Variants in ZNF665 observed in about 807,000 individuals in gnomAD.
ZNF665 encodes zinc finger protein 665.
Under a neutral mutation model 7.9 loss-of-function variants are expected in ZNF665, and 6 were observed. The observed-to-expected ratio is 0.76, with a 90% CI of 0.42 to 1.50. The LOEUF is 1.50. Ranked by LOEUF, ZNF665 falls within the 40% of genes most tolerant of loss-of-function variation. The pLI is 0.01. For missense variants in ZNF665, 819 were observed against 806.7 expected (o/e 1.02, Z -0.18); for synonymous variants, 242 against 274.5 (o/e 0.88, Z 1.17).
intron 1 of ZNF665, among the ~76,000 whole-genome samples, chr19:53,183,489 C>T (rs547296991): frequency 6.6e-6 from 1 of 152,248 alleles, no homozygotes; most frequent in East Asian, 1.9e-4. Context: ...TTCTTGAGCT[C>T]CACTGAGAGG....
Position 53,167,078 on chromosome 19 carries a change from C to T in ZNF665, c.143-731G>A, listed in dbSNP as rs142920603. On this transcript the variant is annotated intron_variant, in intron 3 of 3. Coordinates refer to ENST00000396424, the MANE Select transcript of ZNF665 (RefSeq NM_024733.5). ...AGTGAGTGGTGCAATCTCGGCTCAC[C>T]GCAACCTCCGCCTCCCAGGTTCAAG... 4.9e-4 allele frequency among the ~76,000 whole-genome samples: 74 copies of T among 151,922 alleles called. No individual in the cohort carries two copies. The East Asian group carries it at 0.013, about 28-fold the overall frequency.
intron 3 of ZNF665, among the ~76,000 whole-genome samples, chr19:53,169,465 C>A (rs2090640930): frequency 6.6e-6 from 1 of 152,022 alleles, no homozygotes; most frequent in Non-Finnish European, 1.5e-5. Context: ...ATGTAAAAGG[C>A]TACAACCACT....
In ZNF665 at chr19:53,165,897, C is replaced by T. The variant is rs1568654156; in HGVS notation, c.593G>A (p.Arg198Lys). The T allele has an allele frequency of 1.9e-6, 3 of 1,614,058 alleles. No homozygotes were observed. Among genetic ancestry groups the T allele is most frequent in the African/African-American group, 1.3e-5 (1 of 74,930 alleles). The change falls in exon 4 of 4, where the codon AGA (arginine) becomes AAA (lysine). Residue 198 changes from arginine (R) to lysine (K), a missense_variant. By Grantham distance (26) the Arg-to-Lys change is conservative. Transcript: ENST00000396424. ...GTAAGGCTTCTCTCCAGTATGAATT[C>T]TCTTATGACTTGTTAGCCGTGAGTT... The part of the protein sequence containing the change: ...SQNSRLTSHK[R>K]IHTGEKPYQC...
Position 53,165,849 on chromosome 19 carries a change from G to A in ZNF665, c.641C>T (p.Ala214Val), listed in dbSNP as rs908644778. The change falls in exon 4 of 4, where the codon GCC (alanine) becomes GTC (valine). Residue 214 changes from alanine to valine, a missense_variant. Transcript: ENST00000396424. ...TGTTAGGTTTGAACGAACAGTAAAGGCTTTGCCACACTTATTACACTGGTA... is the reference window on the plus strand; with the variant it reads ...TGTTAGGTTTGAACGAACAGTAAAGACTTTGCCACACTTATTACACTGGTA... ...KPYQCNKCGKAFTVRSNLTIH... is the reference protein window; with the variant it reads ...KPYQCNKCGKVFTVRSNLTIH... The A allele has an allele frequency of 1.9e-6, 3 of 1,613,968 alleles. No individual in the cohort carries two copies. The highest frequency in any genetic ancestry group is 2.2e-5 in the East Asian group (1 of 44,888).
chr19:53,175,352 T>A, intron 3 of ZNF665, 93 bp downstream of exon 3: 1 of 1,474,788 alleles, frequency 6.8e-7, no homozygotes, highest in Non-Finnish European at 9.2e-7. Context: ...TCAATCCTCA[T>A]CAAGCAATGC....
Position 53,163,482 on chromosome 19 carries a change from CAG to C in ZNF665, c.*969_*970del, listed in dbSNP as rs987303636. 9 of 152,170 alleles carry C rather than the reference CAG, an allele frequency of 5.9e-5. No homozygotes were observed. The highest frequency in any genetic ancestry group is 2.2e-4 in the African/African-American group (9 of 41,436). The allele number at this position is 152,170 out of a possible 1,614,324, so 9.4% of individuals were successfully genotyped here. ...TCAGACTATATTTAATTTTAAAAGG[CAG>C]AGTCTTTTTTCTTCAGGAGCTTGGA... On this transcript the variant is annotated 3_prime_UTR_variant, in exon 4 of 4. Transcript: ENST00000396424.
chr19:53,165,599 C>T lies in ZNF665; in HGVS notation c.891G>A (p.Lys297=), dbSNP rs760006712. 1.9e-5 allele frequency: 31 copies of T among 1,613,986 alleles called. No individual in the cohort carries two copies. Among genetic ancestry groups the T allele is most frequent in the Non-Finnish European group, 2.5e-5 (29 of 1,180,034 alleles). ...EKPYKCKECG[K]CFTQNSHLAS... is the part of the protein sequence containing the mutation. The stretch of plus-strand genomic sequence containing the variant: ...CAAGGTGTGAATTTTGAGTGAAGCA[C>T]TTGCCACATTCCTTACATTTGTAAG... The change falls in exon 4 of 4, where the codon AAG becomes AAA. Residue 297 remains lysine (K), a synonymous_variant. Coordinates refer to ENST00000396424, the MANE Select transcript of ZNF665 (RefSeq NM_024733.5).
intron 2 of ZNF665, among the ~76,000 whole-genome samples, chr19:53,178,061 C>T (rs977254088): frequency 3.3e-5 from 5 of 152,086 alleles, no homozygotes; most frequent in Non-Finnish European, 5.9e-5. Context: ...GGTAAGTAGG[C>T]GGTTTGGAAT....
At chr19:53,167,648 G>C (rs1433879198) in intron 3 of ZNF665, among the ~76,000 whole-genome samples, 5 of 149,576 alleles carry the variant, frequency 3.3e-5, no homozygotes, top group African/African-American at 1.2e-4. Flanking sequence ...GGGTTTCACC[G>C]TGTTAGCCAG....
At chr19:53,174,127 T>C (rs1397425185) in intron 3 of ZNF665, among the ~76,000 whole-genome samples, 1 of 152,126 alleles carries the variant, frequency 6.6e-6, no homozygotes, top group Non-Finnish European at 1.5e-5. Context: ...AAAGTATGGA[T>C]AGAGGCACTT....
At chr19:53,185,253 G>A (rs532255691) in intron 1 of ZNF665, among the ~76,000 whole-genome samples, 79 of 151,980 alleles carry the variant, frequency 5.2e-4, no homozygotes, top group Admixed American at 1.4e-3. Flanking sequence ...TTACGCTACC[G>A]CTAGACCACG....
rs565270654 is a variant in ZNF665, at chr19:53,164,395, C to T, written c.*58G>A. ...TCAGGTGATCCCCCCGCCTCGGCCT[C>T]CCAAAGTGCTGGGATTACAGGCGTG... On this transcript the variant is annotated 3_prime_UTR_variant, in exon 4 of 4. Transcript: ENST00000396424. 11 of 1,406,540 alleles carry T rather than the reference C, an allele frequency of 7.8e-6. No individual in the cohort carries two copies. Among genetic ancestry groups the T allele is most frequent in the Non-Finnish European group, 9.5e-6 (10 of 1,055,834 alleles). The allele number at this position is 1,406,540 out of a possible 1,614,324, so 87.1% of individuals were successfully genotyped here.
intron 1 of ZNF665, among the ~76,000 whole-genome samples, chr19:53,192,957 G>T (rs1330177454): frequency 6.6e-6 from 1 of 152,220 alleles, no homozygotes; most frequent in Non-Finnish European, 1.5e-5. Flanking sequence ...TGGGGCTGCG[G>T]CGCTAACGCT....
At position 53,166,194 on chromosome 19, in the gene ZNF665, T is replaced by C. The variant is rs200161988; in HGVS notation, c.296A>G (p.Glu99Gly). The C allele has an allele frequency of 1.9e-4, 314 of 1,613,860 alleles. No homozygotes were observed. Among genetic ancestry groups the C allele is most frequent in the Non-Finnish European group, 1.2e-4 (147 of 1,179,900 alleles). ...QEVQKNTYDFECQWKDDEGNY... is the reference protein window; with the variant it reads ...QEVQKNTYDFGCQWKDDEGNY... The stretch of plus-strand genomic sequence containing the variant: ...TCCTTCATCATCTTTCCACTGACAC[T>C]CAAAGTCGTATGTATTTTTCTGAAC... The change falls in exon 4 of 4, where the codon GAG becomes GGG. Residue 99 changes from glutamate (E) to glycine (G), a missense_variant. Transcript: ENST00000396424.
intron 1 of ZNF665, among the ~76,000 whole-genome samples, chr19:53,189,247 CGT>C (rs1439773597): frequency 1.3e-5 from 2 of 151,902 alleles, no homozygotes; most frequent in Admixed American, 1.3e-4. Context: ...GGTCTCTCCC[CGT>C]GTGCAGCGAC....
Position 53,165,902 on chromosome 19 carries a change from A to T in ZNF665, c.588T>A (p.His196Gln). The T allele has an allele frequency of 1.2e-6, 2 of 1,614,166 alleles. No individual in the cohort carries two copies. The highest frequency in any genetic ancestry group is 1.7e-6 in the Non-Finnish European group (2 of 1,180,032). The change falls in exon 4 of 4, where the codon CAT becomes CAA. Residue 196 changes from histidine (H) to glutamine (Q), a missense_variant. Physicochemically the swap from His to Gln is conservative, Grantham distance 24. Transcript: ENST00000396424. ...GCTTCTCTCCAGTATGAATTCTCTT[A>T]TGACTTGTTAGCCGTGAGTTTTGAC... ...VFSQNSRLTS[H>Q]KRIHTGEKPY...
At chr19:53,182,464 T>C (rs990876633) in intron 2 of ZNF665, 1 of 508,720 alleles carries the variant, frequency 2.0e-6, no homozygotes, top group Admixed American at 3.3e-5. Flanking sequence ...TGACAAAGCT[T>C]TCCCCACAGT....
At chr19:53,170,259 T>C (rs369135937) in intron 3 of ZNF665, among the ~76,000 whole-genome samples, 1 of 152,118 alleles carries the variant, frequency 6.6e-6, no homozygotes, top group Non-Finnish European at 1.5e-5. Flanking sequence ...ATAACTTTTT[T>C]AAAAAAAACT....
chr19:53,182,557 C>A, intron 2 of ZNF665: 1 of 691,586 alleles, frequency 1.4e-6, no homozygotes, highest in Non-Finnish European at 2.6e-6. Context: ...ACAGTTTACA[C>A]AGAGCTGTCA....
Sources: gnomAD v4.1 joint callset for allele counts (sites outside exome capture counted in the v4.1 genomes callset) on GRCh38, gnomAD v4.1.1 for gene constraint, MANE v1.5 for transcripts, NCBI Gene and HGNC (gene_info 2026-07-23, HGNC 2026-07-21) for gene names.